PCDHA7: variants seen among roughly 807,000 people sequenced by gnomAD.
PCDHA7 encodes the protein protocadherin alpha-7.
In PCDHA7, 37 loss-of-function variants were observed where a neutral mutation model predicts 57.2. The ratio of observed to expected loss-of-function variants is 0.65; its 90% CI spans 0.50 to 0.85. The LOEUF (loss-of-function observed/expected upper bound fraction) is 0.85, where lower values mean the gene tolerates loss of function less well. PCDHA7 is among the 40% of genes least tolerant of loss of function. The pLI is 0.00. For synonymous variants in PCDHA7, 553 were observed against 558.8 expected, an observed-to-expected ratio of 0.99 and a Z score of 0.15; for missense variants, 1,188 against 1,241.8, an observed-to-expected ratio of 0.96 and a Z score of 0.65.
chr5:140,998,679 C>G (rs969303770), intron 3 of PCDHA7, among the ~76,000 whole-genome samples: 1 of 152,136 alleles, frequency 6.6e-6, no homozygotes, highest in Non-Finnish European at 1.5e-5. Flanking sequence ...ATTCTCCTGC[C>G]TCAGCCTCCC....
intron 1 of PCDHA7, chr5:140,857,535 G>A (rs1413308998): frequency 1.9e-6 from 3 of 1,597,418 alleles, no homozygotes; most frequent in Non-Finnish European, 2.6e-6. Flanking sequence ...CTGGTGGAGC[G>A]GCGGTTGGGC....
chr5:140,867,971 C>T (rs1230179778), intron 1 of PCDHA7: 1 of 152,032 alleles, frequency 6.6e-6, no homozygotes, highest in African/African-American at 2.4e-5. Flanking sequence ...ATTCTTTCAA[C>T]AAGAAACAAA....
intron 1 of PCDHA7, chr5:140,926,562 C>CT (rs1271947865): frequency 1.6e-5 from 4 of 250,352 alleles, no homozygotes; most frequent in African/African-American, 8.9e-5. Context: ...CAGCCCGCTG[C>CT]TACTGGAGAC....
In PCDHA7 at chr5:140,904,302, A is replaced by C. The variant is rs553969479; in HGVS notation, c.2355+67564A>C. Among the ~76,000 whole-genome samples, 22 of 151,950 alleles carry C rather than the reference A, an allele frequency of 1.4e-4. No individual in the cohort carries two copies. In the East Asian group the frequency reaches 3.9e-3, roughly 27 times the overall value. On this transcript the variant is annotated intron_variant, in intron 1 of 3. Transcript: ENST00000525929. ...TGTGGTGTTTGGTTTTCCATTCCTG[A>C]GTTTCTTCACTTAGAATAATGGTCT...
In PCDHA7 at chr5:141,002,410, T is replaced by C. The variant is rs1034024595; in HGVS notation, c.2504-7217T>C. 2.2e-4 allele frequency among the ~76,000 whole-genome samples: 33 copies of C among 152,326 alleles called. 1 individual carries two copies. The highest frequency in any genetic ancestry group is 7.5e-4 in the African/African-American group (31 of 41,578). On this transcript the variant is annotated intron_variant, in intron 3 of 3. Coordinates refer to ENST00000525929, the MANE Select transcript of PCDHA7 (RefSeq NM_018910.3). The stretch of plus-strand genomic sequence containing the variant: ...TGCTGGCATCTCTGTGCCTCCCAAA[T>C]AGTAGTAACAAAACAGGCAATAACC...
chr5:140,843,164 G>T, intron 1 of PCDHA7: 1 of 1,596,104 alleles, frequency 6.3e-7, no homozygotes. Flanking sequence ...GCAGCCAGCT[G>T]CAAGCAGCCC....
chr5:140,850,518 G>A, intron 1 of PCDHA7: 1 of 1,598,310 alleles, frequency 6.3e-7, no homozygotes, highest in South Asian at 1.1e-5. Flanking sequence ...GAGCGGCCAG[G>A]CGCCAAAGTC....
At chr5:140,921,333 A>G (rs1245281166) in intron 1 of PCDHA7, among the ~76,000 whole-genome samples, 1 of 152,182 alleles carries the variant, frequency 6.6e-6, no homozygotes, top group Admixed American at 6.5e-5. Flanking sequence ...GTCTGGTCCA[A>G]TCACATAATA....
Position 140,966,227 on chromosome 5 carries a change from A to T in PCDHA7, c.2356-12722A>T, listed in dbSNP as rs556655692. The T allele has an allele frequency of 3.7e-5, 10 of 270,804 alleles. No individual in the cohort carries two copies. The South Asian group carries it at 1.7e-3, about 46-fold the overall frequency. 16.8% of individuals were successfully genotyped at this position (270,804 alleles called of 1,614,324 possible). On this transcript the variant is annotated intron_variant, in intron 1 of 3. Coordinates refer to ENST00000525929, the MANE Select transcript of PCDHA7 (RefSeq NM_018910.3). ...CTGCTTTTCCCAGACTAATCTCCTT[A>T]AAGACCCGTTAAGCAGGGGAGAGAC...
At chr5:140,913,451 T>G (rs1201347326) in intron 1 of PCDHA7, among the ~76,000 whole-genome samples, 1 of 152,160 alleles carries the variant, frequency 6.6e-6, no homozygotes, top group East Asian at 1.9e-4. Context: ...CAGCTCCGAT[T>G]TTATTTACTT....
At chr5:140,959,414 C>T (rs1408668310) in intron 1 of PCDHA7, among the ~76,000 whole-genome samples, 3 of 151,996 alleles carry the variant, frequency 2.0e-5, no homozygotes, top group African/African-American at 7.2e-5. Context: ...GTTGATTGAT[C>T]TGAGAATTTG....
intron 1 of PCDHA7, chr5:140,848,307 CTT>C (rs1781430296): frequency 1.4e-6 from 1 of 711,402 alleles, no homozygotes; most frequent in Non-Finnish European, 2.4e-6. Context: ...TGATGTCACT[CTT>C]TGCCGCGATG....
At chr5:140,926,438 G>A (rs2083248814) in intron 1 of PCDHA7, 1 of 154,646 alleles carries the variant, frequency 6.5e-6, no homozygotes, top group African/African-American at 2.4e-5. Flanking sequence ...TTAAGATCTG[G>A]GCAGCCTCAG....
intron 1 of PCDHA7, among the ~76,000 whole-genome samples, chr5:140,924,575 T>C (rs1255232429): frequency 6.6e-6 from 1 of 152,078 alleles, no homozygotes; most frequent in East Asian, 1.9e-4. Flanking sequence ...TTTTTAAATG[T>C]TTTCAAATAT....
At position 140,850,257 on chromosome 5, in the gene PCDHA7, G is replaced by A. The variant is rs1371110095; in HGVS notation, c.2355+13519G>A. ...GATGGTGCTGCGGTCGGTGGGCGCC[G>A]GCGTAGTGGTGGGGAAGGTGCGCGC... On this transcript the variant is annotated intron_variant, in intron 1 of 3. Coordinates refer to ENST00000525929, the MANE Select transcript of PCDHA7 (RefSeq NM_018910.3). The A allele has an allele frequency of 6.3e-6, 10 of 1,594,146 alleles. 2 individuals are homozygous for A. Among genetic ancestry groups the A allele is most frequent in the African/African-American group, 1.3e-5 (1 of 74,268 alleles).
At chr5:140,878,461 T>G (rs1274651575) in intron 1 of PCDHA7, among the ~76,000 whole-genome samples, 1 of 152,230 alleles carries the variant, frequency 6.6e-6, no homozygotes, top group Non-Finnish European at 1.5e-5. Context: ...TGAAATATAA[T>G]AAAATCATTT....
At chr5:140,919,050 G>T (rs2153552038) in intron 1 of PCDHA7, among the ~76,000 whole-genome samples, 1 of 152,302 alleles carries the variant, frequency 6.6e-6, no homozygotes, top group Admixed American at 6.5e-5. Context: ...ATTATTGGAA[G>T]TGGAGTATTA....
chr5:140,875,271 C>T, intron 1 of PCDHA7: 1 of 1,256,488 alleles, frequency 8.0e-7, no homozygotes, highest in Non-Finnish European at 1.1e-6. Flanking sequence ...GCTCTACACT[C>T]AGAAGGTGAA....
rs565071573 is a variant in PCDHA7, at chr5:141,009,664, G to A, written c.2541G>A (p.Ala847=). The A allele has an allele frequency of 2.2e-5, 36 of 1,613,862 alleles. No individual in the cohort carries two copies. The highest frequency in any genetic ancestry group is 5.0e-5 in the Admixed American group (3 of 59,974). The stretch of plus-strand genomic sequence containing the variant: ...GAGAAGTGTCCCCTCCAGTCGGTGC[G>A]GGTGTCAACAGCAACAGCTGGACCT... The part of the protein sequence containing the change: ...EAGEVSPPVG[A]GVNSNSWTFK... Residue 847 remains alanine (A), a synonymous_variant, in exon 4 of 4, where the codon GCG becomes GCA. Transcript: ENST00000525929.
Sources: gnomAD v4.1 joint callset for allele counts (sites outside exome capture counted in the v4.1 genomes callset) on GRCh38, gnomAD v4.1.1 for gene constraint, MANE v1.5 for transcripts, NCBI Gene and HGNC (gene_info 2026-07-23, HGNC 2026-07-21) for gene names.